Variants in NDST4 observed in about 807,000 individuals in gnomAD.
NDST4 encodes the protein N-deacetylase and N-sulfotransferase 4, also known as N-heparan sulfate sulfotransferase 4.
In NDST4, 63 loss-of-function variants were observed where a neutral mutation model predicts 100.8. That is an observed-to-expected ratio of 0.62 (90% CI 0.51 to 0.77). The LOEUF (loss-of-function observed/expected upper bound fraction) is 0.77, where lower values mean the gene tolerates loss of function less well. Ranked by LOEUF, NDST4 falls within the 30% of genes least tolerant of loss-of-function variation. NDST4 has a pLI of 0.00. For missense variants in NDST4, 943 were observed against 1,018.4 expected, an observed-to-expected ratio of 0.93 and a Z score of 1.01; for synonymous variants, 377 against 361.8, an observed-to-expected ratio of 1.04 and a Z score of -0.48.
chr4:115,092,827 G>T (rs1729545113), intron 1 of NDST4, among the ~76,000 whole-genome samples: 1 of 151,934 alleles, frequency 6.6e-6, no homozygotes, highest in African/African-American at 2.4e-5. Flanking sequence ...AAGACTAGTA[G>T]AAAACACAAA....
intron 2 of NDST4, among the ~76,000 whole-genome samples, chr4:115,053,986 A>G (rs769445676): frequency 6.6e-6 from 1 of 152,112 alleles, no homozygotes; most frequent in African/African-American, 2.4e-5. Flanking sequence ...TTTGGCTCTT[A>G]GTAAAGAGTT....
rs576518915 is a variant in NDST4, at chr4:115,075,743, C to T, written c.978+316G>A. On this transcript the variant is annotated intron_variant, in intron 2 of 13. Coordinates refer to ENST00000264363, the MANE Select transcript of NDST4 (RefSeq NM_022569.3). ...AGGTTTCAGTGAGCCAAGATCATGC[C>T]ACTGCACTCCAGCCTGGGCGACAGA... Among the ~76,000 whole-genome samples the T allele has an allele frequency of 3.0e-3, 437 of 143,436 alleles. 2 individuals are homozygous for T. Among genetic ancestry groups the T allele is most frequent in the Non-Finnish European group, 5.0e-3 (336 of 66,996 alleles). 94.1% of individuals were successfully genotyped at this position (143,436 alleles called of 152,430 possible).
intron 6 of NDST4, among the ~76,000 whole-genome samples, chr4:114,919,547 GA>G (rs1725245514): frequency 6.6e-6 from 1 of 152,294 alleles, no homozygotes; most frequent in African/African-American, 2.4e-5. Flanking sequence ...AACCTATATG[GA>G]AAGAAGGATG....
At chr4:115,082,641 T>C (rs564013762) in intron 1 of NDST4, among the ~76,000 whole-genome samples, 30 of 152,300 alleles carry the variant, frequency 2.0e-4, no homozygotes, top group Admixed American at 1.7e-3. Context: ...CTAGTAACTA[T>C]GCTATATTCT....
chr4:115,076,750 A>G lies in NDST4; in HGVS notation c.287T>C (p.Ile96Thr), dbSNP rs1486293051. The G allele has an allele frequency of 1.9e-6, 3 of 1,613,840 alleles. No homozygotes were observed. Among genetic ancestry groups the G allele is most frequent in the Non-Finnish European group, 2.5e-6 (3 of 1,179,942 alleles). The change falls in exon 2 of 14, where the codon ATA becomes ACA. Residue 96 changes from isoleucine (I) to threonine (T), a missense_variant. By Grantham distance (89) the Ile-to-Thr change is moderately conservative. Coordinates refer to ENST00000264363, the MANE Select transcript of NDST4 (RefSeq NM_022569.3). ...SQYSQLGQDI[I>T]AILESSRFQY... ...AAATCGGCTGGACTCCAAAATAGCT[A>G]TGATATCTTGACCGAGTTGAGAGTA...
intron 2 of NDST4, among the ~76,000 whole-genome samples, chr4:115,075,082 A>G (rs1439625478): frequency 6.6e-6 from 1 of 152,148 alleles, no homozygotes; most frequent in Non-Finnish European, 1.5e-5. Flanking sequence ...TGAATCTGTT[A>G]TTCAGTCAAT....
intron 4 of NDST4, among the ~76,000 whole-genome samples, chr4:114,948,279 C>G (rs965459721): frequency 1.3e-5 from 2 of 151,360 alleles, no homozygotes; most frequent in Admixed American, 6.6e-5. Flanking sequence ...TTCCCTCCCC[C>G]ACCCCCCAAA....
chr4:115,086,725 A>C (rs1460237712), intron 1 of NDST4, among the ~76,000 whole-genome samples: 1 of 152,072 alleles, frequency 6.6e-6, no homozygotes, highest in African/African-American at 2.4e-5. Flanking sequence ...TATAGTGCCT[A>C]TTCACCATTT....
chr4:114,855,201 T>C (rs1217895952), intron 7 of NDST4, among the ~76,000 whole-genome samples: 1 of 152,136 alleles, frequency 6.6e-6, no homozygotes, highest in South Asian at 2.1e-4. Context: ...CTCAGATGGG[T>C]AGTTGCAAAT....
intron 2 of NDST4, among the ~76,000 whole-genome samples, chr4:115,053,872 T>C (rs184786920): frequency 1.4e-3 from 214 of 152,200 alleles, no homozygotes; most frequent in African/African-American, 4.9e-3. Context: ...CTACCTCTTC[T>C]TACACTGAGT....
chr4:115,093,552 A>T (rs1213220781), intron 1 of NDST4, among the ~76,000 whole-genome samples: 1 of 152,134 alleles, frequency 6.6e-6, no homozygotes. Context: ...GCAAAATATG[A>T]TTCTCAAGAC....
intron 6 of NDST4, among the ~76,000 whole-genome samples, chr4:114,889,037 T>TATATGTAGC (rs1724538127): frequency 6.6e-6 from 1 of 152,142 alleles, no homozygotes; most frequent in African/African-American, 2.4e-5. Context: ...TCCTCACACA[T>TATATGTAGC]ATATGTAGCA....
At chr4:114,977,371 G>C in intron 2 of NDST4, 97 bp from the exon 3 acceptor site, 1 of 663,866 alleles carries the variant, frequency 1.5e-6, no homozygotes, top group African/African-American at 1.8e-5. Flanking sequence ...AAAACAAAAT[G>C]ATATGAGCTT....
chr4:114,881,023 T>C (rs1030143444), intron 6 of NDST4, among the ~76,000 whole-genome samples: 1 of 152,082 alleles, frequency 6.6e-6, no homozygotes, highest in African/African-American at 2.4e-5. Context: ...ATGTGGTTCA[T>C]GAAAGGAAAA....
At chr4:114,838,462 T>A (rs948331730) in intron 11 of NDST4, among the ~76,000 whole-genome samples, 2 of 152,172 alleles carry the variant, frequency 1.3e-5, no homozygotes, top group African/African-American at 4.8e-5. Context: ...ATATGGCACA[T>A]ATACACCATG....
At chr4:115,068,098 A>G (rs1728990807) in intron 2 of NDST4, among the ~76,000 whole-genome samples, 1 of 151,888 alleles carries the variant, frequency 6.6e-6, no homozygotes, top group African/African-American at 2.4e-5. Flanking sequence ...ACTAACTGAA[A>G]CTTATTTCCC....
intron 11 of NDST4, among the ~76,000 whole-genome samples, 178 bp from the exon 12 acceptor site, chr4:114,833,893 A>G (rs1050525797): frequency 6.6e-6 from 1 of 152,238 alleles, no homozygotes; most frequent in Non-Finnish European, 1.5e-5. Flanking sequence ...CATAAACAAT[A>G]AAGTTTGCCA....
chr4:115,071,037 G>A (rs1040018616), intron 2 of NDST4, among the ~76,000 whole-genome samples: 1 of 151,884 alleles, frequency 6.6e-6, no homozygotes, highest in Non-Finnish European at 1.5e-5. Context: ...CCCAGGAGGT[G>A]GAGGTTGTAA....
chr4:114,999,511 A>G (rs879307915), intron 2 of NDST4, among the ~76,000 whole-genome samples: 1 of 152,132 alleles, frequency 6.6e-6, no homozygotes, highest in Non-Finnish European at 1.5e-5. Context: ...CATAAATTTA[A>G]AAGTTTATTA....
Sources: allele counts gnomAD v4.1 joint callset (sites outside exome capture counted in the v4.1 genomes callset), GRCh38; gene constraint gnomAD v4.1.1; transcripts MANE v1.5; gene names NCBI Gene and HGNC (gene_info 2026-07-23, HGNC 2026-07-21).